DAAM1: variants seen among roughly 807,000 people sequenced by gnomAD.
DAAM1 encodes dishevelled associated activator of morphogenesis 1.
A neutral mutation model predicts 130.0 loss-of-function variants in DAAM1; 52 were observed. That is an observed-to-expected ratio of 0.40 (90% CI 0.32 to 0.50). The LOEUF is 0.50. Among genes scored for constraint, DAAM1 ranks in the 20% least tolerant of loss-of-function variants. DAAM1 has a pLI of 0.61. For synonymous variants in DAAM1, 452 were observed against 444.5 expected (o/e 1.02, Z -0.21); for missense variants, 1,134 against 1,303.8 (o/e 0.87, Z 2.01).
At chr14:59,337,427 G>C (rs896950392) in intron 15 of DAAM1, among the ~76,000 whole-genome samples, 2 of 152,230 alleles carry the variant, frequency 1.3e-5, no homozygotes, top group Non-Finnish European at 2.9e-5. Flanking sequence ...CAGCTCATCT[G>C]TGTAAAATTG....
intron 15 of DAAM1, among the ~76,000 whole-genome samples, chr14:59,337,714 C>T (rs1885681449): frequency 1.3e-5 from 2 of 152,150 alleles, no homozygotes; most frequent in Admixed American, 6.5e-5. Context: ...GCAGTTAGGA[C>T]AGGGCCACGA....
At chr14:59,289,784 A>ATATATATATATATACACATAT in intron 2 of DAAM1, among the ~76,000 whole-genome samples, 4 of 128,710 alleles carry the variant, frequency 3.1e-5, no homozygotes, top group African/African-American at 1.1e-4. Context: ...ATATATATAT[A>ATATATATATATATACACATAT]ATGGAATGCT....
intron 5 of DAAM1, among the ~76,000 whole-genome samples, 165 bp downstream of exon 5, chr14:59,320,749 T>G (rs1443054949): frequency 6.6e-6 from 1 of 151,846 alleles, no homozygotes; most frequent in Non-Finnish European, 1.5e-5. Context: ...TGAAAAGGTA[T>G]GTAGGCAGCC....
At chr14:59,288,572 A>G (rs1011052862) in intron 2 of DAAM1, among the ~76,000 whole-genome samples, 1 of 152,162 alleles carries the variant, frequency 6.6e-6, no homozygotes, top group African/African-American at 2.4e-5. Context: ...AAAACAACCC[A>G]ATGAAAAAAT....
At chr14:59,225,615 A>G (rs1011146226) in intron 1 of DAAM1, among the ~76,000 whole-genome samples, 5 of 152,250 alleles carry the variant, frequency 3.3e-5, no homozygotes, top group Admixed American at 3.3e-4. Flanking sequence ...GGCTAGGTAC[A>G]ATGTGGGCTC....
chr14:59,326,204 C>A, intron 10 of DAAM1, 127 bp downstream of exon 10: 1 of 888,620 alleles, frequency 1.1e-6, no homozygotes. Flanking sequence ...GGTTTTATGA[C>A]AGCCAAGTAT....
At chr14:59,320,416 CTG>C in intron 4 of DAAM1, 72 bp from the exon 5 acceptor site, 11 of 1,157,540 alleles carry the variant, frequency 9.5e-6, no homozygotes, top group Non-Finnish European at 1.4e-5. Context: ...GACAAATAAT[CTG>C]TAGGTTTGTC....
chr14:59,331,530 T>G, intron 14 of DAAM1, 22 bp downstream of exon 14: 3 of 1,560,632 alleles, frequency 1.9e-6, no homozygotes, highest in Non-Finnish European at 2.6e-6. Flanking sequence ...GTTCCAGTTT[T>G]CCCTTTAATG....
intron 12 of DAAM1, among the ~76,000 whole-genome samples, chr14:59,327,420 T>TG (rs1885255194): frequency 7.3e-6 from 1 of 136,828 alleles, no homozygotes; most frequent in Admixed American, 7.3e-5. Context: ...TTTTTTTTTT[T>TG]TTTTTTGAGA....
chr14:59,364,310 C>T (rs1886828815), intron 23 of DAAM1, among the ~76,000 whole-genome samples: 1 of 152,008 alleles, frequency 6.6e-6, no homozygotes, highest in Non-Finnish European at 1.5e-5. Context: ...CATTTTAATT[C>T]ACAGTCTCAT....
chr14:59,297,718 A>C (rs977222482), intron 3 of DAAM1, among the ~76,000 whole-genome samples: 2 of 152,188 alleles, frequency 1.3e-5, no homozygotes, highest in African/African-American at 2.4e-5. Context: ...GCACTCACAT[A>C]ACTTATATTA....
At chr14:59,189,954 G>A (rs531186403) in intron 1 of DAAM1, among the ~76,000 whole-genome samples, 71 of 152,254 alleles carry the variant, frequency 4.7e-4, no homozygotes, top group African/African-American at 1.6e-3. Context: ...CACCGTGACC[G>A]TTTTGCTGGT....
At chr14:59,340,315 G>A in intron 16 of DAAM1, 135 bp downstream of exon 16, 1 of 750,696 alleles carries the variant, frequency 1.3e-6, no homozygotes, top group South Asian at 1.9e-5. Flanking sequence ...CTGTTAAAAT[G>A]AGAACAGCTC....
At chr14:59,321,171 T>G (rs1019915210) in intron 5 of DAAM1, among the ~76,000 whole-genome samples, 1 of 152,142 alleles carries the variant, frequency 6.6e-6, no homozygotes, top group African/African-American at 2.4e-5. Flanking sequence ...CAACATGAAA[T>G]GACCTTGAAA....
intron 15 of DAAM1, 66 bp downstream of exon 15, chr14:59,331,986 C>A: frequency 2.2e-6 from 3 of 1,376,948 alleles, no homozygotes; most frequent in Non-Finnish European, 3.1e-6. Flanking sequence ...TGATCTCTGG[C>A]CCATCAGCCA....
At chr14:59,327,786 A>G (rs1371089742) in intron 12 of DAAM1, among the ~76,000 whole-genome samples, 1 of 152,222 alleles carries the variant, frequency 6.6e-6, no homozygotes, top group African/African-American at 2.4e-5. Context: ...TCAGAAAATC[A>G]GTGACCATTG....
intron 2 of DAAM1, among the ~76,000 whole-genome samples, chr14:59,281,231 T>A (rs1052342708): frequency 2.4e-4 from 36 of 152,138 alleles, no homozygotes; most frequent in Non-Finnish European, 4.6e-4. Flanking sequence ...TGGCCACTTT[T>A]ACAACTTATT....
At chr14:59,357,508 G>C (rs1265274918) in intron 20 of DAAM1, among the ~76,000 whole-genome samples, 2 of 152,234 alleles carry the variant, frequency 1.3e-5, no homozygotes, top group Non-Finnish European at 1.5e-5. Context: ...GCTGGGTGCA[G>C]TGGCTCACAC....
chr14:59,352,397 G>C, intron 17 of DAAM1, 129 bp from the exon 18 acceptor site: 2 of 638,962 alleles, frequency 3.1e-6, no homozygotes, highest in South Asian at 5.0e-5. Flanking sequence ...ATCTTAACCT[G>C]TGAGCAGAGC....
Sources: allele counts gnomAD v4.1 joint callset (sites outside exome capture counted in the v4.1 genomes callset), GRCh38; gene constraint gnomAD v4.1.1; transcripts MANE v1.5; gene names NCBI Gene and HGNC (gene_info 2026-07-23, HGNC 2026-07-21).